Variants in MAF observed in about 807,000 individuals in gnomAD.
MAF encodes the protein MAF bZIP transcription factor, also known as transcription factor Maf.
Under a neutral mutation model 22.0 loss-of-function variants are expected in MAF, and 10 were observed. The observed-to-expected ratio is 0.45, with a 90% CI of 0.28 to 0.77. MAF has a LOEUF of 0.77. MAF is among the 30% of genes least tolerant of loss of function. The pLI, the probability that MAF is intolerant of heterozygous loss-of-function variation, is 0.12. For missense variants in MAF, 544 were observed against 548.4 expected (o/e 0.99, Z 0.08); for synonymous variants, 337 against 255.8 (o/e 1.32, Z -3.03).
At chr16:79,292,044 G>A in the MAF span, among the ~76,000 whole-genome samples, 2 of 151,832 alleles carry the variant, frequency 1.3e-5, no homozygotes, top group Admixed American at 1.3e-4. Flanking sequence ...CATCTTAAAG[G>A]TATATATACC....
At chr16:79,208,908 C>T in the MAF span, among the ~76,000 whole-genome samples, 1 of 152,070 alleles carries the variant, frequency 6.6e-6, no homozygotes, top group Admixed American at 6.6e-5. Flanking sequence ...GCTTAATTGT[C>T]CAGCAAGGGA....
the MAF span, among the ~76,000 whole-genome samples, chr16:79,287,546 G>A: frequency 6.6e-6 from 1 of 152,214 alleles, no homozygotes; most frequent in Non-Finnish European, 1.5e-5. Context: ...CATGACCCAC[G>A]TGTAATTAAA....
chr16:79,482,422 C>T, the MAF span, among the ~76,000 whole-genome samples: 8 of 152,284 alleles, frequency 5.3e-5, no homozygotes, highest in Non-Finnish European at 1.2e-4. Context: ...GTCAAATCAG[C>T]GACCTGGTCT....
the MAF span, among the ~76,000 whole-genome samples, chr16:79,249,418 C>CAAAA: frequency 9.8e-6 from 1 of 102,484 alleles, no homozygotes; most frequent in African/African-American, 3.9e-5. Flanking sequence ...AACTCCGTTT[C>CAAAA]AAAAAAAAAA....
chr16:79,275,840 A>G, the MAF span, among the ~76,000 whole-genome samples: 2 of 152,112 alleles, frequency 1.3e-5, no homozygotes, highest in Non-Finnish European at 2.9e-5. Flanking sequence ...ATTGATTGAA[A>G]AATGATTTGA....
the MAF span, among the ~76,000 whole-genome samples, chr16:79,518,772 A>C: frequency 6.6e-6 from 1 of 152,142 alleles, no homozygotes; most frequent in African/African-American, 2.4e-5. Context: ...TAAAAATACA[A>C]AAATTAGCCA....
the MAF span, among the ~76,000 whole-genome samples, chr16:79,409,678 T>C: frequency 6.6e-6 from 1 of 152,148 alleles, no homozygotes; most frequent in African/African-American, 2.4e-5. Flanking sequence ...CAACGCTCAA[T>C]TGCCCAGAGG....
At chr16:79,472,522 G>T in the MAF span, among the ~76,000 whole-genome samples, 1,389 of 152,180 alleles carry the variant, frequency 9.1e-3, 7 homozygotes, top group Non-Finnish European at 0.015. Flanking sequence ...CAGGTACAAA[G>T]AGCAATGTTG....
the MAF span, among the ~76,000 whole-genome samples, chr16:79,552,065 A>G: frequency 6.6e-6 from 1 of 152,092 alleles, no homozygotes; most frequent in Non-Finnish European, 1.5e-5. Flanking sequence ...TGGTATAAAG[A>G]CCTGAAACCT....
chr16:79,291,055 A>G, the MAF span, among the ~76,000 whole-genome samples: 1 of 152,124 alleles, frequency 6.6e-6, no homozygotes, highest in East Asian at 1.9e-4. Flanking sequence ...CTGTGAAGAG[A>G]CTGCTTTTTT....
chr16:79,361,563 A>T, the MAF span, among the ~76,000 whole-genome samples: 2 of 152,178 alleles, frequency 1.3e-5, no homozygotes, highest in South Asian at 4.1e-4. Context: ...GCCTGGGAAC[A>T]TTACACCTCT....
the MAF span, among the ~76,000 whole-genome samples, chr16:79,462,076 T>C: frequency 1.3e-5 from 2 of 152,110 alleles, no homozygotes; most frequent in African/African-American, 4.8e-5. Context: ...TTTCCCCGCC[T>C]CCCCTCGCCT....
chr16:79,375,205 T>G, the MAF span, among the ~76,000 whole-genome samples: 1 of 152,366 alleles, frequency 6.6e-6, no homozygotes, highest in South Asian at 2.1e-4. Flanking sequence ...AAGGGAGGTT[T>G]GATGCCTCAA....
the MAF span, among the ~76,000 whole-genome samples, chr16:79,439,112 G>A: frequency 1.3e-5 from 2 of 152,058 alleles, no homozygotes; most frequent in Admixed American, 6.6e-5. Flanking sequence ...CTAATCTAGG[G>A]CACTGCACTT....
At chr16:79,476,196 A>G in the MAF span, among the ~76,000 whole-genome samples, 1 of 152,150 alleles carries the variant, frequency 6.6e-6, no homozygotes, top group African/African-American at 2.4e-5. Flanking sequence ...TGAGCTTAGA[A>G]AAAGACCTGG....
chr16:79,469,428 G>T, the MAF span, among the ~76,000 whole-genome samples: 2 of 152,144 alleles, frequency 1.3e-5, no homozygotes, highest in African/African-American at 4.8e-5. Context: ...GTGGCTTTAA[G>T]CAAGTAGTTA....
the MAF span, among the ~76,000 whole-genome samples, chr16:79,310,351 T>C: frequency 6.6e-6 from 1 of 152,100 alleles, no homozygotes; most frequent in Admixed American, 6.5e-5. Context: ...GCTATGGCTG[T>C]TTCGGACGAG....
the MAF span, among the ~76,000 whole-genome samples, chr16:79,496,305 T>C: frequency 2.6e-5 from 4 of 152,166 alleles, no homozygotes; most frequent in South Asian, 6.2e-4. Context: ...TTTCGGAAGA[T>C]TGCAGATGGT....
At chr16:79,312,272 G>A in the MAF span, among the ~76,000 whole-genome samples, 2 of 152,168 alleles carry the variant, frequency 1.3e-5, no homozygotes, top group African/African-American at 2.4e-5. Flanking sequence ...CTCCTCCACT[G>A]CATACACAAC....
Sources: gnomAD v4.1 joint callset for allele counts (sites outside exome capture counted in the v4.1 genomes callset) on GRCh38, gnomAD v4.1.1 for gene constraint, MANE v1.5 for transcripts, NCBI Gene and HGNC (gene_info 2026-07-23, HGNC 2026-07-21) for gene names.